SLC39A11: variants seen among roughly 807,000 people sequenced by gnomAD.
SLC39A11 encodes the protein zinc transporter ZIP11.
Under a neutral mutation model 36.1 loss-of-function variants are expected in SLC39A11, and 33 were observed. The ratio of observed to expected loss-of-function variants is 0.91; its 90% confidence interval spans 0.69 to 1.22. The LOEUF (loss-of-function observed/expected upper bound fraction) is 1.22. SLC39A11 is among the 50% of genes most tolerant of loss of function. The pLI, the probability that SLC39A11 is intolerant of heterozygous loss-of-function variation, is 0.00. For missense variants in SLC39A11, 432 were observed against 430.3 expected, an observed-to-expected ratio of 1.00 and a Z score of -0.03; for synonymous variants, 166 against 170.3, an observed-to-expected ratio of 0.97 and a Z score of 0.20.
At chr17:72,788,246 C>T (rs1411443178) in intron 6 of SLC39A11, among the ~76,000 whole-genome samples, 1 of 152,222 alleles carries the variant, frequency 6.6e-6, no homozygotes, top group African/African-American at 2.4e-5. Context: ...CATCTGGCCT[C>T]TCTGCTATGC....
intron 3 of SLC39A11, among the ~76,000 whole-genome samples, chr17:73,051,634 G>A (rs373369249): frequency 1.3e-5 from 2 of 150,108 alleles, no homozygotes; most frequent in Non-Finnish European, 3.0e-5. Flanking sequence ...GAGGCGGGCG[G>A]ATCACCTGAG....
chr17:73,070,030 C>G (rs996156137), intron 3 of SLC39A11, among the ~76,000 whole-genome samples: 2 of 152,198 alleles, frequency 1.3e-5, no homozygotes, highest in Non-Finnish European at 1.5e-5. Context: ...TGAGATGACT[C>G]CCACAAGTCT....
At chr17:72,814,314 T>A (rs2077517886) in intron 6 of SLC39A11, among the ~76,000 whole-genome samples, 1 of 152,132 alleles carries the variant, frequency 6.6e-6, no homozygotes, top group Non-Finnish European at 1.5e-5. Context: ...GAGTAGTTCC[T>A]CCCAAATGGT....
intron 4 of SLC39A11, among the ~76,000 whole-genome samples, chr17:73,015,610 G>A (rs969136186): frequency 6.6e-6 from 1 of 152,128 alleles, no homozygotes; most frequent in Non-Finnish European, 1.5e-5. Context: ...TTGAGACAGG[G>A]TCTTGCTCTG....
intron 4 of SLC39A11, among the ~76,000 whole-genome samples, chr17:72,968,792 C>T (rs372782276): frequency 1.3e-5 from 2 of 152,342 alleles, no homozygotes. Flanking sequence ...GAAGGTTCTA[C>T]ACACGTGCGG....
At chr17:72,895,008 A>T (rs2081958200) in intron 5 of SLC39A11, among the ~76,000 whole-genome samples, 1 of 151,958 alleles carries the variant, frequency 6.6e-6, no homozygotes. Flanking sequence ...CCCAGAAACT[A>T]ACGCAGAAAC....
intron 6 of SLC39A11, among the ~76,000 whole-genome samples, chr17:72,816,593 G>T (rs930549054): frequency 6.6e-6 from 1 of 152,168 alleles, no homozygotes; most frequent in South Asian, 2.1e-4. Flanking sequence ...ATTTGCAGAG[G>T]TGTCTGTCAA....
intron 4 of SLC39A11, among the ~76,000 whole-genome samples, chr17:73,001,034 C>T (rs993497665): frequency 1.3e-5 from 2 of 152,088 alleles, no homozygotes; most frequent in Admixed American, 1.3e-4. Context: ...GCAGAACTGT[C>T]TTCATTGTGC....
At chr17:72,892,219 C>G (rs1329519006) in intron 5 of SLC39A11, among the ~76,000 whole-genome samples, 1 of 151,064 alleles carries the variant, frequency 6.6e-6, no homozygotes, top group Admixed American at 6.6e-5. Flanking sequence ...ACCAGCCAGG[C>G]CAACATGGTG....
chr17:72,701,023 G>A (rs2072586767), intron 7 of SLC39A11, among the ~76,000 whole-genome samples: 1 of 152,250 alleles, frequency 6.6e-6, no homozygotes, highest in African/African-American at 2.4e-5. Flanking sequence ...CGTGGGCCCT[G>A]CACAACCTGC....
chr17:72,955,656 G>T (rs1032186905), intron 4 of SLC39A11, among the ~76,000 whole-genome samples: 2 of 151,904 alleles, frequency 1.3e-5, no homozygotes, highest in African/African-American at 4.8e-5. Flanking sequence ...GCTCAAAATG[G>T]CAGCTGTGTC....
At chr17:72,915,081 G>T (rs549829349) in intron 5 of SLC39A11, among the ~76,000 whole-genome samples, 9 of 152,208 alleles carry the variant, frequency 5.9e-5, no homozygotes, top group Non-Finnish European at 1.2e-4. Flanking sequence ...TATCTCAGTT[G>T]TACCCAACCT....
intron 7 of SLC39A11, among the ~76,000 whole-genome samples, chr17:72,734,598 G>C (rs186981473): frequency 1.3e-5 from 2 of 152,352 alleles, no homozygotes; most frequent in East Asian, 3.9e-4. Flanking sequence ...GTCCGGGGAA[G>C]GGAGGAGCTG....
intron 4 of SLC39A11, among the ~76,000 whole-genome samples, chr17:72,978,579 G>A (rs2088043253): frequency 6.6e-6 from 1 of 152,084 alleles, no homozygotes; most frequent in Non-Finnish European, 1.5e-5. Flanking sequence ...AGGAATAGCA[G>A]ATGCAAAGGC....
chr17:73,037,731 G>A (rs2058969489), intron 3 of SLC39A11, among the ~76,000 whole-genome samples: 1 of 152,140 alleles, frequency 6.6e-6, no homozygotes, highest in African/African-American at 2.4e-5. Context: ...CACATGGCAG[G>A]GGCCTCGCTG....
chr17:72,721,158 G>A (rs1171013608), intron 7 of SLC39A11, among the ~76,000 whole-genome samples: 2 of 148,444 alleles, frequency 1.3e-5, no homozygotes, highest in Non-Finnish European at 1.5e-5. Flanking sequence ...GCGCAGCAGC[G>A]CGATCTCGGC....
intron 6 of SLC39A11, among the ~76,000 whole-genome samples, chr17:72,797,242 A>G (rs2076926700): frequency 6.6e-6 from 1 of 152,098 alleles, no homozygotes; most frequent in South Asian, 2.1e-4. Flanking sequence ...GTTAATAATA[A>G]TAAATAATAG....
intron 4 of SLC39A11, among the ~76,000 whole-genome samples, chr17:73,019,431 G>A (rs1380159376): frequency 6.6e-6 from 1 of 152,150 alleles, no homozygotes; most frequent in African/African-American, 2.4e-5. Context: ...ACCAAAGAGG[G>A]ATAAATAGAT....
chr17:72,794,013 T>A (rs775995438), intron 6 of SLC39A11, among the ~76,000 whole-genome samples: 11 of 152,188 alleles, frequency 7.2e-5, no homozygotes, highest in Non-Finnish European at 1.3e-4. Flanking sequence ...GTCCTGCCTC[T>A]AACTGTAATA....
Sources: allele counts gnomAD v4.1 joint callset (sites outside exome capture counted in the v4.1 genomes callset), GRCh38; gene constraint gnomAD v4.1.1; transcripts MANE v1.5; gene names NCBI Gene and HGNC (gene_info 2026-07-23, HGNC 2026-07-21).